Variants in UBR1 observed in about 807,000 individuals in gnomAD.
UBR1 encodes E3 ubiquitin-protein ligase UBR1.
UBR1 carries 102 observed loss-of-function variants against 242.1 expected under a neutral mutation model. That is an observed-to-expected ratio of 0.42 (90% CI 0.36 to 0.50). UBR1 has a LOEUF of 0.50. UBR1 is among the 20% of genes least tolerant of loss of function. The probability of loss-of-function intolerance (pLI) is 0.01; values close to 1 mark genes in which losing one functional copy is unlikely to be tolerated. For synonymous variants in UBR1, 675 were observed against 684.8 expected (o/e 0.99, Z 0.22); for missense variants, 1,772 against 2,101.8 (o/e 0.84, Z 3.07).
At chr15:42,951,841 A>C (rs2031839331) in intron 45 of UBR1, among the ~76,000 whole-genome samples, 1 of 151,802 alleles carries the variant, frequency 6.6e-6, no homozygotes, top group African/African-American at 2.4e-5. Flanking sequence ...TGAACTCCTG[A>C]CCTCAAGTGA....
chr15:42,965,363 T>C (rs998409304), intron 41 of UBR1, among the ~76,000 whole-genome samples: 17 of 152,148 alleles, frequency 1.1e-4, no homozygotes, highest in Non-Finnish European at 1.5e-5. Flanking sequence ...TAGAGGCAAG[T>C]AAATGAGAAG....
chr15:43,047,559 T>C (rs1002373304), intron 13 of UBR1, among the ~76,000 whole-genome samples: 3 of 152,198 alleles, frequency 2.0e-5, no homozygotes, highest in African/African-American at 7.2e-5. Context: ...TGAGATTTTT[T>C]CCTAAATGCA....
chr15:43,087,967 G>C (rs1596138979), intron 1 of UBR1, among the ~76,000 whole-genome samples: 1 of 152,100 alleles, frequency 6.6e-6, no homozygotes, highest in East Asian at 1.9e-4. Flanking sequence ...AGGTGAAGGA[G>C]ATGTATCTGT....
intron 38 of UBR1, among the ~76,000 whole-genome samples, 200 bp downstream of exon 38, chr15:42,977,680 T>C (rs2032310609): frequency 6.7e-6 from 1 of 148,954 alleles, no homozygotes; most frequent in African/African-American, 2.5e-5. Flanking sequence ...CAAATTGAAG[T>C]GCTTTTTTTT....
At chr15:43,090,006 T>C (rs1437728124) in intron 1 of UBR1, among the ~76,000 whole-genome samples, 2 of 152,202 alleles carry the variant, frequency 1.3e-5, no homozygotes, top group African/African-American at 4.8e-5. Flanking sequence ...GATCTGTAGT[T>C]AGTATTTATA....
At chr15:42,998,082 C>T (rs1203213584) in intron 33 of UBR1, 86 bp downstream of exon 33, 1 of 1,215,836 alleles carries the variant, frequency 8.2e-7, no homozygotes, top group African/African-American at 1.5e-5. Flanking sequence ...TACTTGCAAA[C>T]CATATTTTAG....
At chr15:42,977,852 G>T in intron 38 of UBR1, 28 bp downstream of exon 38, 1 of 1,563,858 alleles carries the variant, frequency 6.4e-7, no homozygotes, top group South Asian at 1.1e-5. Flanking sequence ...CAACATGAGT[G>T]ACTTAAACAA....
chr15:43,095,542 T>TTA (rs2034149684), intron 1 of UBR1, among the ~76,000 whole-genome samples: 1 of 117,514 alleles, frequency 8.5e-6, no homozygotes, highest in Non-Finnish European at 1.8e-5. Context: ...GTGACAACAT[T>TTA]AAAAAAAAAA....
In UBR1 at chr15:43,015,888, C is replaced by T. The variant is rs373903433; in HGVS notation, c.3028-19G>A. On this transcript the variant is annotated intron_variant, in intron 28 of 46. Coordinates refer to ENST00000290650, the MANE Select transcript of UBR1 (RefSeq NM_174916.3). ...GAGTAATCTGGGTATTAAGAAATGA[C>T]AAATTTAGGTAAGATCCACTGTTAA... 18 of 1,610,934 alleles carry T rather than the reference C, an allele frequency of 1.1e-5. No homozygotes were observed. The highest frequency in any genetic ancestry group is 1.7e-4 in the Middle Eastern group (1 of 5,948).
At chr15:42,981,352 T>C (rs1177149632) in intron 37 of UBR1, among the ~76,000 whole-genome samples, 4 of 152,344 alleles carry the variant, frequency 2.6e-5, no homozygotes, top group South Asian at 2.1e-4. Flanking sequence ...TGTTCAAATG[T>C]GCCCTGTGTC....
At position 42,966,182 on chromosome 15, in the gene UBR1, C is replaced by G; in HGVS notation, c.4562G>C (p.Gly1521Ala). The change falls in exon 41 of 47, where the codon GGG (glycine) becomes GCG (alanine). Residue 1521 changes from glycine to alanine, a missense_variant. By Grantham distance (60) the Gly-to-Ala change is moderately conservative. Coordinates refer to ENST00000290650, the MANE Select transcript of UBR1 (RefSeq NM_174916.3). ...CAALFFHYLLGVTPPEELHTN... is the reference protein window; with the variant it reads ...CAALFFHYLLAVTPPEELHTN... The stretch of plus-strand genomic sequence containing the variant: ...ATGCAGTTCCTCAGGCGGAGTTACC[C>G]CAAGTAAATAGTGGAAAAACAATGC... 1 of 1,614,024 alleles carries G rather than the reference C, an allele frequency of 6.2e-7. No individual in the cohort carries two copies.
intron 11 of UBR1, among the ~76,000 whole-genome samples, chr15:43,055,226 C>T (rs997299544): frequency 9.2e-5 from 14 of 152,176 alleles, no homozygotes; most frequent in African/African-American, 3.1e-4. Flanking sequence ...AGGCGGATCA[C>T]CTGAACTCAG....
At chr15:43,030,303 T>A (rs2033237593) in intron 20 of UBR1, among the ~76,000 whole-genome samples, 1 of 152,158 alleles carries the variant, frequency 6.6e-6, no homozygotes, top group Non-Finnish European at 1.5e-5. Context: ...CTTACACACA[T>A]ACAAACAAAC....
intron 3 of UBR1, among the ~76,000 whole-genome samples, chr15:43,076,362 T>TC (rs1567144932): frequency 6.6e-6 from 1 of 151,526 alleles, no homozygotes. Context: ...TGCCTTGGCC[T>TC]CCCAAAGTGC....
chr15:43,048,371 T>G (rs1323272650), intron 13 of UBR1, 21 bp downstream of exon 13: 1 of 1,569,812 alleles, frequency 6.4e-7, no homozygotes, highest in Middle Eastern at 1.8e-4. Context: ...CTTTTACTGA[T>G]GTACAGAAAA....
At chr15:43,043,782 G>A (rs555223047) in intron 14 of UBR1, among the ~76,000 whole-genome samples, 2 of 152,174 alleles carry the variant, frequency 1.3e-5, no homozygotes, top group Non-Finnish European at 2.9e-5. Flanking sequence ...TACTAAATAT[G>A]AGTGGAAAAT....
At chr15:43,063,696 T>C (rs567093091) in intron 6 of UBR1, among the ~76,000 whole-genome samples, 44 of 144,154 alleles carry the variant, frequency 3.1e-4, no homozygotes, top group African/African-American at 1.0e-3. Context: ...ATTACATCTT[T>C]AAATTTTTTC....
intron 3 of UBR1, among the ~76,000 whole-genome samples, chr15:43,081,417 CAA>C (rs71108197): frequency 4.5e-3 from 315 of 69,736 alleles, no homozygotes; most frequent in African/African-American, 6.4e-3. Context: ...CACCCCATCT[CAA>C]AAAAAAAAAA....
Position 43,059,756 on chromosome 15 carries a change from G to T in UBR1, c.931C>A (p.Gln311Lys). 1 of 1,614,054 alleles carries T rather than the reference G, an allele frequency of 6.2e-7. No individual in the cohort carries two copies. The highest frequency in any genetic ancestry group is 8.5e-7 in the Non-Finnish European group (1 of 1,180,006). The change falls in exon 8 of 47, where the codon CAG becomes AAG. Residue 311 changes from glutamine to lysine, a missense_variant. Physicochemically the swap from Gln to Lys is moderately conservative, Grantham distance 53 (BLOSUM62 1). Coordinates refer to ENST00000290650, the MANE Select transcript of UBR1 (RefSeq NM_174916.3). ...GAACCAAGACGCAAAGCAAATTTCT[G>T]ATGAGCCATAATCTCTGAGTGTAAT... ...EVLHSEIMAH[Q>K]KFALRLGSWM...
Sources: allele counts gnomAD v4.1 joint callset (sites outside exome capture counted in the v4.1 genomes callset), GRCh38; gene constraint gnomAD v4.1.1; transcripts MANE v1.5; gene names NCBI Gene and HGNC (gene_info 2026-07-23, HGNC 2026-07-21).